The following RBM6 variants were observed in gnomAD, a reference collection of about 807,000 sequenced individuals.
RBM6 encodes RNA binding motif protein 6.
A neutral mutation model predicts 140.4 loss-of-function variants in RBM6; 23 were observed. The observed-to-expected ratio is 0.16, with a 90% CI of 0.12 to 0.23. The LOEUF is 0.23. RBM6 is among the 10% of genes least tolerant of loss of function. The probability of loss-of-function intolerance (pLI) is 1.00; values close to 1 mark genes in which losing one functional copy is unlikely to be tolerated. For synonymous variants in RBM6, 439 were observed against 475.6 expected, an observed-to-expected ratio of 0.92 and a Z score of 1.00; for missense variants, 1,139 against 1,386.7, an observed-to-expected ratio of 0.82 and a Z score of 2.84.
At chr3:50,013,222 T>C (rs935281398) in intron 6 of RBM6, among the ~76,000 whole-genome samples, 1 of 152,094 alleles carries the variant, frequency 6.6e-6, no homozygotes, top group Non-Finnish European at 1.5e-5. Flanking sequence ...GAGTGGATGA[T>C]GTATGTGGAA....
intron 6 of RBM6, among the ~76,000 whole-genome samples, chr3:50,035,945 AG>A (rs1383597869): frequency 6.6e-6 from 1 of 151,996 alleles, no homozygotes; most frequent in Non-Finnish European, 1.5e-5. Flanking sequence ...TATTTTTAAT[AG>A]AGACAGGGTT....
chr3:50,075,668 C>A (rs1259222246), intron 20 of RBM6, among the ~76,000 whole-genome samples: 1 of 152,158 alleles, frequency 6.6e-6, no homozygotes, highest in Non-Finnish European at 1.5e-5. Context: ...ACAGAGGCAT[C>A]TCTGAGAGGG....
intron 5 of RBM6, among the ~76,000 whole-genome samples, chr3:49,998,693 G>A (rs183647062): frequency 2.0e-5 from 3 of 152,324 alleles, no homozygotes; most frequent in Admixed American, 2.0e-4. Flanking sequence ...TCTTAAACAT[G>A]TATTGATTGC....
intron 17 of RBM6, among the ~76,000 whole-genome samples, chr3:50,068,183 C>T (rs1181337974): frequency 1.3e-5 from 2 of 152,150 alleles, no homozygotes; most frequent in East Asian, 3.8e-4. Context: ...TACAAAGAAC[C>T]ACCACTTCAT....
intron 6 of RBM6, among the ~76,000 whole-genome samples, chr3:50,015,712 G>GT (rs1405127649): frequency 6.6e-6 from 1 of 152,096 alleles, no homozygotes; most frequent in Non-Finnish European, 1.5e-5. Context: ...GATTACAGGC[G>GT]TGAGCCACCG....
Position 49,981,161 on chromosome 3 carries a change from A to G in RBM6, c.1483+5769A>G, listed in dbSNP as rs369117726. Among the ~76,000 whole-genome samples the G allele has an allele frequency of 1.2e-4, 18 of 152,244 alleles. No homozygotes were observed. The East Asian group carries it at 2.3e-3, about 20-fold the overall frequency. On this transcript the variant is annotated intron_variant, in intron 5 of 20. Transcript: ENST00000266022. Reference sequence around the variant, plus strand: ...ATGATTCGTCCACCTCTGCCTCCCAAAGTGCTGGGATTACAGGCATGAGCC... The same window carrying G: ...ATGATTCGTCCACCTCTGCCTCCCAGAGTGCTGGGATTACAGGCATGAGCC...
intron 10 of RBM6, chr3:50,059,439 A>C: frequency 2.4e-6 from 1 of 410,274 alleles, no homozygotes; most frequent in Non-Finnish European, 4.3e-6. Context: ...ACTGACATCT[A>C]TTCTGATTCC....
At chr3:50,064,778 T>C (rs2090060267) in intron 15 of RBM6, among the ~76,000 whole-genome samples, 1 of 152,164 alleles carries the variant, frequency 6.6e-6, no homozygotes, top group Non-Finnish European at 1.5e-5. Flanking sequence ...CTCGGGTTCA[T>C]TCTCCTGCCT....
In RBM6 at chr3:50,060,949, G is replaced by C. The variant is rs1367181745; in HGVS notation, c.2229-7G>C. The C allele has an allele frequency of 1.3e-6, 2 of 1,561,934 alleles. No homozygotes were observed. Among genetic ancestry groups the C allele is most frequent in the Non-Finnish European group, 8.6e-7 (1 of 1,157,184 alleles). On this transcript the variant is annotated splice_polypyrimidine_tract_variant and splice_region_variant and intron_variant, in intron 11 of 20. Coordinates refer to ENST00000266022, the MANE Select transcript of RBM6 (RefSeq NM_005777.3). Reference sequence around the variant, plus strand: ...AGCCTTAAGAATTGTTGTGTTATCTGTTGCAGAAATGATTCTGGGGACCAT... The same window carrying C: ...AGCCTTAAGAATTGTTGTGTTATCTCTTGCAGAAATGATTCTGGGGACCAT...
intron 6 of RBM6, among the ~76,000 whole-genome samples, chr3:50,016,329 A>C (rs1479644038): frequency 6.6e-6 from 1 of 152,116 alleles, no homozygotes; most frequent in Non-Finnish European, 1.5e-5. Context: ...CCACATTTTC[A>C]TTATCCATTC....
At chr3:50,010,370 TG>T (rs2086784621) in intron 6 of RBM6, among the ~76,000 whole-genome samples, 1 of 152,104 alleles carries the variant, frequency 6.6e-6, no homozygotes, top group African/African-American at 2.4e-5. Flanking sequence ...TAGTGGTTAC[TG>T]GGCACAAGGG....
intron 2 of RBM6, among the ~76,000 whole-genome samples, chr3:49,963,923 T>G (rs955715039): frequency 2.0e-5 from 3 of 152,058 alleles, no homozygotes; most frequent in African/African-American, 7.2e-5. Context: ...TTTTTCAAAA[T>G]GGAGTCTCAC....
At chr3:50,063,677 G>T (rs2090021437) in intron 15 of RBM6, among the ~76,000 whole-genome samples, 1 of 151,868 alleles carries the variant, frequency 6.6e-6, no homozygotes, top group African/African-American at 2.4e-5. Context: ...AAGGCAGGCG[G>T]ATTACTTTAG....
At chr3:50,002,222 G>A (rs1478330260) in intron 6 of RBM6, among the ~76,000 whole-genome samples, 1 of 151,720 alleles carries the variant, frequency 6.6e-6, no homozygotes, top group Non-Finnish European at 1.5e-5. Context: ...CAGGTAGCTG[G>A]GACTACAGAT....
chr3:49,979,526 A>G (rs1306164838), intron 5 of RBM6, among the ~76,000 whole-genome samples: 2 of 143,362 alleles, frequency 1.4e-5, no homozygotes, highest in Non-Finnish European at 3.0e-5. Context: ...TGCAACCTCC[A>G]TCTCCCGGGT....
At chr3:50,005,251 C>A (rs1042198353) in intron 6 of RBM6, among the ~76,000 whole-genome samples, 3 of 152,072 alleles carry the variant, frequency 2.0e-5, no homozygotes, top group African/African-American at 7.2e-5. Context: ...AATTCCAGCA[C>A]TTTTGCAGGC....
intron 19 of RBM6, among the ~76,000 whole-genome samples, chr3:50,073,309 A>G (rs1224958586): frequency 6.6e-6 from 1 of 152,210 alleles, no homozygotes; most frequent in Non-Finnish European, 1.5e-5. Context: ...TGGGAGGTCC[A>G]AGATTGAGGA....
In RBM6 at chr3:49,972,201, C is replaced by A. The variant is rs201558532; in HGVS notation, c.1413+53C>A. 1,330 of 1,398,918 alleles carry A rather than the reference C, an allele frequency of 9.5e-4. 8 individuals are homozygous for A. The African/African-American group carries it at 0.017, about 18-fold the overall frequency. 86.7% of individuals were successfully genotyped at this position (1,398,918 alleles called of 1,614,324 possible). A position where few individuals can be genotyped will look rare whatever the true frequency, so the allele number is the denominator to read the frequency against. Reference sequence around the variant, plus strand: ...CTGTGTCAATTAAAAATTAAAAAAACCTTTTAATTTGAAAAATTGTAGATT... The same window carrying A: ...CTGTGTCAATTAAAAATTAAAAAAAACTTTTAATTTGAAAAATTGTAGATT... On this transcript the variant is annotated intron_variant, in intron 4 of 20. Transcript: ENST00000266022.
chr3:50,075,489 T>C (rs1178073075), intron 20 of RBM6, among the ~76,000 whole-genome samples, 159 bp downstream of exon 20: 3 of 152,212 alleles, frequency 2.0e-5, no homozygotes, highest in Non-Finnish European at 4.4e-5. Flanking sequence ...TACTGGGTTA[T>C]AGCTTGGCAG....
Sources: gnomAD v4.1 joint callset for allele counts (sites outside exome capture counted in the v4.1 genomes callset) on GRCh38, gnomAD v4.1.1 for gene constraint, MANE v1.5 for transcripts, NCBI Gene and HGNC (gene_info 2026-07-23, HGNC 2026-07-21) for gene names.